NCKAP1: variants seen among roughly 807,000 people sequenced by gnomAD.
NCKAP1 encodes nck-associated protein 1.
NCKAP1 carries 21 observed loss-of-function variants against 151.2 expected under a neutral mutation model. That is an observed-to-expected ratio of 0.14 (90% CI 0.10 to 0.20). NCKAP1 has a LOEUF of 0.20. Among genes scored for constraint, NCKAP1 ranks in the 10% least tolerant of loss-of-function variants. The pLI is 1.00. For missense variants in NCKAP1, 933 were observed against 1,352.1 expected (o/e 0.69, Z 4.86); for synonymous variants, 484 against 451.8 (o/e 1.07, Z -0.90).
chr2:183,017,172 CAGGG>C (rs1252148579), intron 2 of NCKAP1, among the ~76,000 whole-genome samples: 1 of 152,064 alleles, frequency 6.6e-6, no homozygotes, highest in Non-Finnish European at 1.5e-5. Flanking sequence ...TTTTTAGCAC[CAGGG>C]ACCAGTTTCA....
At chr2:182,959,417 G>C (rs1697394191) in intron 18 of NCKAP1, among the ~76,000 whole-genome samples, 2 of 152,172 alleles carry the variant, frequency 1.3e-5, no homozygotes, top group Admixed American at 1.3e-4. Flanking sequence ...TCCCTGGGAT[G>C]CAAGGCTGGT....
chr2:182,928,294 A>C, intron 28 of NCKAP1, 68 bp from the exon 29 acceptor site: 1 of 1,097,408 alleles, frequency 9.1e-7, no homozygotes, highest in Non-Finnish European at 1.4e-6. Flanking sequence ...GCAAATCTTT[A>C]ATGACTTCAC....
At chr2:182,997,864 T>A (rs780192093) in intron 6 of NCKAP1, among the ~76,000 whole-genome samples, 2 of 151,692 alleles carry the variant, frequency 1.3e-5, no homozygotes, top group African/African-American at 2.4e-5. Context: ...CTCGCAAAAA[T>A]ACAACAACAA....
At chr2:182,960,205 T>G (rs2105830695) in intron 18 of NCKAP1, among the ~76,000 whole-genome samples, 1 of 152,302 alleles carries the variant, frequency 6.6e-6, no homozygotes, top group Non-Finnish European at 1.5e-5. Context: ...TACCAATGAC[T>G]TTCTTCACAG....
chr2:183,024,970 T>C (rs1174183490), intron 1 of NCKAP1: 2 of 1,612,396 alleles, frequency 1.2e-6, no homozygotes, highest in Admixed American at 1.7e-5. Flanking sequence ...GTGAAAAGCT[T>C]TGCAAACCTT....
chr2:183,035,489 A>T (rs1699084643), intron 1 of NCKAP1, among the ~76,000 whole-genome samples: 1 of 152,174 alleles, frequency 6.6e-6, no homozygotes, highest in Non-Finnish European at 1.5e-5. Flanking sequence ...TGAAAATGTG[A>T]TAATTGATTG....
chr2:182,934,161 G>C (rs984046134), intron 26 of NCKAP1, among the ~76,000 whole-genome samples: 2 of 150,504 alleles, frequency 1.3e-5, no homozygotes, highest in African/African-American at 4.9e-5. Flanking sequence ...TTTTTGAGAC[G>C]GAGTCTCATT....
intron 6 of NCKAP1, among the ~76,000 whole-genome samples, chr2:182,999,983 C>T (rs1379301707): frequency 6.6e-6 from 1 of 152,164 alleles, no homozygotes; most frequent in Non-Finnish European, 1.5e-5. Flanking sequence ...AAACAACAGA[C>T]ACTGGGGACT....
At chr2:183,024,981 C>A in intron 1 of NCKAP1, 1 of 1,612,194 alleles carries the variant, frequency 6.2e-7, no homozygotes, top group Non-Finnish European at 8.5e-7. Flanking sequence ...TGCAAACCTT[C>A]CAAACTTGTC....
At position 182,976,937 on chromosome 2, in the gene NCKAP1, C is replaced by A. The variant is rs1697835574; in HGVS notation, c.1438G>T (p.Val480Leu). 6.5e-7 allele frequency: 1 copy of A among 1,535,276 alleles called. No individual in the cohort carries two copies. The highest frequency in any genetic ancestry group is 2.0e-5 in the Admixed American group (1 of 49,664). The stretch of plus-strand genomic sequence containing the variant: ...AATCTCATTCCTCTGAAATCAAATA[C>A]TTCCCCATCTTCAACTGTAGTAATA... Reference protein sequence around the residue: ...LSVKQVEDGEVFDFRGMRLDW... With the variant: ...LSVKQVEDGELFDFRGMRLDW... Residue 480 changes from valine (V) to leucine (L), a missense_variant, in exon 15 of 31, where the codon GTA becomes TTA. By Grantham distance (32) the Val-to-Leu change is conservative (BLOSUM62 1). This residue lies in a region of NCKAP1 where 607 missense variants were observed against 795.0 expected (regional missense o/e 0.76). Transcript: ENST00000361354.
chr2:183,021,483 C>T (rs982773306), intron 2 of NCKAP1, among the ~76,000 whole-genome samples: 4 of 152,182 alleles, frequency 2.6e-5, no homozygotes, highest in East Asian at 1.9e-4. Context: ...TGGTGGTGCG[C>T]ACCTGTGGCC....
chr2:183,034,668 A>G (rs941399335), intron 1 of NCKAP1, among the ~76,000 whole-genome samples: 7 of 152,136 alleles, frequency 4.6e-5, no homozygotes, highest in African/African-American at 1.7e-4. Flanking sequence ...CCTAAATACT[A>G]TTTTCACATA....
chr2:182,932,693 GA>G (rs1696790736), intron 26 of NCKAP1, among the ~76,000 whole-genome samples: 1 of 151,264 alleles, frequency 6.6e-6, no homozygotes, highest in Admixed American at 6.6e-5. Flanking sequence ...AAGTTCTATT[GA>G]AAGTTTGCTG....
In NCKAP1 at chr2:182,942,100, G is replaced by C; in HGVS notation, c.2665C>G (p.Gln889Glu). 2 of 1,613,148 alleles carry C rather than the reference G, an allele frequency of 1.2e-6. No homozygotes were observed. Among genetic ancestry groups the C allele is most frequent in the African/African-American group, 2.7e-5 (2 of 74,974 alleles). ...QMRTSFDKPD[Q>E]MAALFKRLSS... Reference sequence around the variant, plus strand: ...AATCTTTTAAACAGTGCAGCCATCTGGTCTGGTTTGTCAAAGCTGGTCCTC... The same window carrying C: ...AATCTTTTAAACAGTGCAGCCATCTCGTCTGGTTTGTCAAAGCTGGTCCTC... Residue 889 changes from glutamine (Q) to glutamate (E), a missense_variant, in exon 24 of 31, where the codon CAG (glutamine) becomes GAG (glutamate). Coordinates refer to ENST00000361354, the MANE Select transcript of NCKAP1 (RefSeq NM_013436.5).
rs532644784 is a variant in NCKAP1 at position 182,956,771 on chromosome 2, T to G, written c.2022-178A>C. On this transcript the variant is annotated intron_variant, in intron 19 of 30. Coordinates refer to ENST00000361354, the MANE Select transcript of NCKAP1 (RefSeq NM_013436.5). Reference sequence around the variant, plus strand: ...TTATAACTAACACATAAGAGCAATATTCTAAAGATGGCGTCATTTGTTTCT... The same window carrying G: ...TTATAACTAACACATAAGAGCAATAGTCTAAAGATGGCGTCATTTGTTTCT... The G allele has an allele frequency of 7.5e-5, 42 of 559,444 alleles. No homozygotes were observed. In the African/African-American group the frequency reaches 7.6e-4, roughly 10 times the overall value. 34.7% of individuals were successfully genotyped at this position (559,444 alleles called of 1,614,324 possible).
chr2:183,028,753 A>C (rs1698947384), intron 1 of NCKAP1, among the ~76,000 whole-genome samples: 1 of 152,160 alleles, frequency 6.6e-6, no homozygotes, highest in African/African-American at 2.4e-5. Context: ...ATTTTTTTAA[A>C]TAAAACTTCT....
At chr2:183,036,041 T>C (rs1320217446) in intron 1 of NCKAP1, among the ~76,000 whole-genome samples, 2 of 152,126 alleles carry the variant, frequency 1.3e-5, no homozygotes, top group Non-Finnish European at 2.9e-5. Flanking sequence ...ATATTTGACA[T>C]GGATATAATA....
intron 2 of NCKAP1, among the ~76,000 whole-genome samples, chr2:183,015,140 T>G (rs372240673): frequency 6.6e-6 from 1 of 152,172 alleles, no homozygotes; most frequent in East Asian, 1.9e-4. Context: ...TATAGTTTAG[T>G]ATGACAAAAA....
chr2:182,994,396 G>A (rs1304981851), intron 8 of NCKAP1, among the ~76,000 whole-genome samples: 2 of 152,098 alleles, frequency 1.3e-5, no homozygotes, highest in Non-Finnish European at 1.5e-5. Context: ...CCAGCACTGT[G>A]GGAGGCCGAG....
Sources: gnomAD v4.1 joint callset for allele counts (sites outside exome capture counted in the v4.1 genomes callset) on GRCh38, gnomAD v4.1.1 for gene constraint, gnomAD v4.1.1 regional missense constraint, MANE v1.5 for transcripts, NCBI Gene and HGNC (gene_info 2026-07-23, HGNC 2026-07-21) for gene names.